ZIM3: variants seen among roughly 807,000 people sequenced by gnomAD.
ZIM3 encodes the protein zinc finger imprinted 3, also known as zinc finger protein 657.
In ZIM3, 11 loss-of-function variants were observed where a neutral mutation model predicts 12.9. The ratio of observed to expected loss-of-function variants is 0.85; its 90% CI spans 0.54 to 1.41. The LOEUF (loss-of-function observed/expected upper bound fraction) is 1.41. Among genes scored for constraint, ZIM3 ranks in the 40% most tolerant of loss-of-function variants. The probability of loss-of-function intolerance (pLI) is 0.00; values close to 1 mark genes in which losing one functional copy is unlikely to be tolerated. For synonymous variants in ZIM3, 205 were observed against 198.5 expected (o/e 1.03, Z -0.28); for missense variants, 604 against 557.2 (o/e 1.08, Z -0.85).
At chr19:57,136,132 G>A (rs757245730) in intron 4 of ZIM3, 37 bp from the exon 5 acceptor site, 24 of 1,540,306 alleles carry the variant, frequency 1.6e-5, no homozygotes, top group East Asian at 2.3e-5. Flanking sequence ...TGTGTAAAAC[G>A]TTCCACTCAC....
At position 57,138,530 on chromosome 19, in the gene ZIM3, T is replaced by G; in HGVS notation, c.84A>C (p.Glu28Asp). The change falls in exon 3 of 5, where the codon GAA becomes GAC. Residue 28 changes from glutamate (E) to aspartate (D), a missense_variant. Physicochemically the swap from Glu to Asp is conservative, Grantham distance 45 (BLOSUM62 2). Coordinates refer to ENST00000269834, the MANE Select transcript of ZIM3 (RefSeq NM_052882.1). The part of the protein sequence containing the change: ...TQGEWQRLNP[E>D]QRNLYRDVML... ...TCACATCCCTGTACAAGTTTCTCTG[T>G]TCGGGATTCAGCCGCTGCCACTCCC... 1.2e-6 allele frequency: 2 copies of G among 1,613,974 alleles called. No individual in the cohort carries two copies. The highest frequency in any genetic ancestry group is 1.7e-6 in the Non-Finnish European group (2 of 1,179,980).
intron 1 of ZIM3, among the ~76,000 whole-genome samples, chr19:57,144,140 A>C (rs2086927063): frequency 6.6e-6 from 1 of 152,074 alleles, no homozygotes; most frequent in Admixed American, 6.6e-5. Context: ...CAGTTTAAAA[A>C]TCCCTGGCTC....
In ZIM3 at chr19:57,142,612, T is replaced by G; in HGVS notation, c.15+17A>C. On this transcript the variant is annotated intron_variant, in intron 2 of 4. Coordinates refer to ENST00000269834, the MANE Select transcript of ZIM3 (RefSeq NM_052882.1). ...CGTTTATTCATTATGAGATTTAGAT[T>G]TTTTTGAAAAGCTCACCTGGGAATT... 1.2e-6 allele frequency: 2 copies of G among 1,613,602 alleles called. No homozygotes were observed. The highest frequency in any genetic ancestry group is 1.7e-6 in the Non-Finnish European group (2 of 1,179,600).
intron 4 of ZIM3, 141 bp from the exon 5 acceptor site, chr19:57,136,236 T>C (rs1052704982): frequency 2.5e-5 from 19 of 754,370 alleles, no homozygotes; most frequent in Admixed American, 5.6e-5. Flanking sequence ...ATATAAGCTC[T>C]GTTAGAGTTC....
Position 57,138,538 on chromosome 19 carries a change from T to C in ZIM3, c.76A>G (p.Asn26Asp). The C allele has an allele frequency of 6.2e-7, 1 of 1,614,118 alleles. No homozygotes were observed. The highest frequency in any genetic ancestry group is 1.1e-5 in the South Asian group (1 of 91,070). Reference sequence around the variant, plus strand: ...CTGTACAAGTTTCTCTGTTCGGGATTCAGCCGCTGCCACTCCCCCTGGGTG... The same window carrying C: ...CTGTACAAGTTTCTCTGTTCGGGATCCAGCCGCTGCCACTCCCCCTGGGTG... ...NFTQGEWQRL[N>D]PEQRNLYRDV... Residue 26 changes from asparagine to aspartate, a missense_variant, in exon 3 of 5, where the codon AAT (asparagine) becomes GAT (aspartate). Asn to Asp is a conservative substitution (Grantham distance 23). Transcript: ENST00000269834.
intron 4 of ZIM3, among the ~76,000 whole-genome samples, 195 bp downstream of exon 4, chr19:57,136,678 A>AG (rs11428294): frequency 9.2e-4 from 15 of 16,256 alleles, no homozygotes; most frequent in African/African-American, 6.3e-3. Flanking sequence ...AAAAAAAAAG[A>AG]AAAAAAAAAG....
rs1599921448 is a variant in ZIM3 at position 57,135,628 on chromosome 19, T to C, written c.709A>G (p.Asn237Asp). The change falls in exon 5 of 5, where the codon AAT becomes GAT. Residue 237 changes from asparagine to aspartate, a missense_variant. Coordinates refer to ENST00000269834, the MANE Select transcript of ZIM3 (RefSeq NM_052882.1). ...NCGNAYKQKS[N>D]LFQHQKMHTK... ...TGCATTTTCTGATGTTGAAAGAGAT[T>C]TGACTTCTGCTTGTAGGCATTTCCA... 2 of 1,612,058 alleles carry C rather than the reference T, an allele frequency of 1.2e-6. No homozygotes were observed.
At position 57,135,203 on chromosome 19, in the gene ZIM3, G is replaced by T. The variant is rs756142083; in HGVS notation, c.1134C>A (p.Leu378=). Residue 378 remains leucine (L), a synonymous_variant, in exon 5 of 5, where the codon CTC becomes CTA. Coordinates refer to ENST00000269834, the MANE Select transcript of ZIM3 (RefSeq NM_052882.1). ...CGNTFIQKKN[L]IQHKKIHTGE... is the part of the protein sequence containing the mutation. ...CAGTATGGATTTTTTTATGTTGAATGAGGTTTTTCTTCTGGATAAAGGTAT... is the reference window on the plus strand; with the variant it reads ...CAGTATGGATTTTTTTATGTTGAATTAGGTTTTTCTTCTGGATAAAGGTAT... 6.2e-7 allele frequency: 1 copy of T among 1,613,712 alleles called. No individual in the cohort carries two copies. Among genetic ancestry groups the T allele is most frequent in the Non-Finnish European group, 8.5e-7 (1 of 1,179,860 alleles).
chr19:57,136,158 T>A, intron 4 of ZIM3, 63 bp from the exon 5 acceptor site: 1 of 1,424,630 alleles, frequency 7.0e-7, no homozygotes, highest in Non-Finnish European at 9.6e-7. Context: ...TGAAATAAAA[T>A]GCCATAAACA....
intron 2 of ZIM3, among the ~76,000 whole-genome samples, chr19:57,138,869 A>G (rs1227276720): frequency 6.6e-6 from 1 of 152,138 alleles, no homozygotes; most frequent in Admixed American, 6.5e-5. Flanking sequence ...TCCACCATTC[A>G]TAAATCCACC....
At chr19:57,136,173 A>G (rs2086886042) in intron 4 of ZIM3, 78 bp from the exon 5 acceptor site, 4 of 1,311,286 alleles carry the variant, frequency 3.1e-6, no homozygotes, top group Admixed American at 2.2e-5. Flanking sequence ...TAAACAATCT[A>G]TTGTGGTGAT....
chr19:57,136,227 T>A, intron 4 of ZIM3, 132 bp from the exon 5 acceptor site: 6 of 794,538 alleles, frequency 7.6e-6, no homozygotes, highest in Non-Finnish European at 1.2e-5. Context: ...CCAAAGTTAA[T>A]ATAAGCTCTG....
At chr19:57,141,100 A>G (rs2086911460) in intron 2 of ZIM3, among the ~76,000 whole-genome samples, 1 of 152,180 alleles carries the variant, frequency 6.6e-6, no homozygotes, top group Non-Finnish European at 1.5e-5. Context: ...AGCAATGGTC[A>G]AAAGATGCTT....
In ZIM3 at chr19:57,138,957, G is replaced by A. The variant is rs111353784; in HGVS notation, c.16-359C>T. Among the ~76,000 whole-genome samples, 274 of 152,260 alleles carry A rather than the reference G, an allele frequency of 1.8e-3. 1 individual carries two copies. Among genetic ancestry groups the A allele is most frequent in the Non-Finnish European group, 3.2e-3 (215 of 68,006 alleles). ...TATCATCCCAACATTTTGGGAGGCC[G>A]AGGCAGGAGGATTGCTTGAGGCCAG... On this transcript the variant is annotated intron_variant, in intron 2 of 4. Transcript: ENST00000269834.
rs192723298 is a variant in ZIM3 at position 57,137,725 on chromosome 19, A to G, written c.142+747T>C. On this transcript the variant is annotated intron_variant, in intron 3 of 4. Coordinates refer to ENST00000269834, the MANE Select transcript of ZIM3 (RefSeq NM_052882.1). ...GAGACTGTCTCCAAAAAAAAAAAATACTACAGTGAGCTATGATTGCACCAC... is the reference window on the plus strand; with the variant it reads ...GAGACTGTCTCCAAAAAAAAAAAATGCTACAGTGAGCTATGATTGCACCAC... 6.9e-4 allele frequency among the ~76,000 whole-genome samples: 102 copies of G among 147,172 alleles called. 1 individual carries two copies. The highest frequency in any genetic ancestry group is 2.7e-3 in the African/African-American group (101 of 37,434).
In ZIM3 at chr19:57,138,533, G is replaced by A. The variant is rs17305556; in HGVS notation, c.81C>T (p.Pro27=). The A allele has an allele frequency of 0.042, 67,191 of 1,613,922 alleles. 6,047 individuals carry two copies. In the East Asian group the frequency reaches 0.44, roughly 11 times the overall value. ...FTQGEWQRLN[P]EQRNLYRDVM... ...CATCCCTGTACAAGTTTCTCTGTTC[G>A]GGATTCAGCCGCTGCCACTCCCCCT... The change falls in exon 3 of 5, where the codon CCC becomes CCT. Residue 27 remains proline, a synonymous_variant. Transcript: ENST00000269834.
At chr19:57,143,115 CAGG>C (rs1025404999) in intron 1 of ZIM3, among the ~76,000 whole-genome samples, 4 of 152,112 alleles carry the variant, frequency 2.6e-5, no homozygotes, top group Admixed American at 6.6e-5. Flanking sequence ...ATCACGAGGT[CAGG>C]AGATCAAGAC....
At position 57,135,091 on chromosome 19, in the gene ZIM3, C is replaced by T. The variant is rs757190669; in HGVS notation, c.1246G>A (p.Glu416Lys). ...CATTCACTACATCTATAGGTCCTCT[C>T]TCCGCTATGAGTTTTCTGATGGCTA... ...LHSHQKTHSG[E>K]RTYRCSECGK... Residue 416 changes from glutamate (E) to lysine (K), a missense_variant, in exon 5 of 5, where the codon GAG becomes AAG. Coordinates refer to ENST00000269834, the MANE Select transcript of ZIM3 (RefSeq NM_052882.1). 4 of 1,614,184 alleles carry T rather than the reference C, an allele frequency of 2.5e-6. No individual in the cohort carries two copies. The highest frequency in any genetic ancestry group is 3.4e-6 in the Non-Finnish European group (4 of 1,180,030).
At chr19:57,138,375 G>A in intron 3 of ZIM3, 97 bp downstream of exon 3, 2 of 1,554,750 alleles carry the variant, frequency 1.3e-6, no homozygotes, top group African/African-American at 1.4e-5. Flanking sequence ...GCGAAGTGAG[G>A]AGCACCTCTG....
Sources: gnomAD v4.1 joint callset for allele counts (sites outside exome capture counted in the v4.1 genomes callset) on GRCh38, gnomAD v4.1.1 for gene constraint, MANE v1.5 for transcripts, NCBI Gene and HGNC (gene_info 2026-07-23, HGNC 2026-07-21) for gene names.